MMP9: variants seen among roughly 807,000 people sequenced by gnomAD.
MMP9 encodes matrix metallopeptidase 9.
In MMP9, 73 loss-of-function variants were observed where a neutral mutation model predicts 76.4. That is an observed-to-expected ratio of 0.96 (90% CI 0.79 to 1.16). MMP9 has a LOEUF of 1.16. Ranked by LOEUF, MMP9 falls within the 50% of genes most tolerant of loss-of-function variation. MMP9 has a pLI of 0.00. For missense variants in MMP9, 943 were observed against 973.0 expected (o/e 0.97, Z 0.41); for synonymous variants, 412 against 408.4 (o/e 1.01, Z -0.11).
chr20:46,013,402 C>A lies in MMP9; in HGVS notation c.1478C>A (p.Pro493His). Residue 493 changes from proline to histidine, a missense_variant, in exon 9 of 13, where the codon CCC becomes CAC. By Grantham distance (77) the Pro-to-His change is moderately conservative. Transcript: ENST00000372330. The surrounding 1 kb of genome is among the most constrained non-coding windows in gnomAD (Gnocchi z 4.5). ...CCCACAGGTCCCCCCTCAGCTGGCC[C>A]CACAGGTCCCCCCACTGCTGGCCCT... is the stretch of plus-strand genomic sequence containing the variant. ...AGPTGPPSAG[P>H]TGPPTAGPST... The A allele has an allele frequency of 3.7e-6, 6 of 1,613,828 alleles. No individual in the cohort carries two copies. Among genetic ancestry groups the A allele is most frequent in the Non-Finnish European group, 5.1e-6 (6 of 1,179,844 alleles).
chr20:46,014,815 A>C (rs1279076158), intron 12 of MMP9: 4 of 329,208 alleles, frequency 1.2e-5, no homozygotes, highest in Non-Finnish European at 2.3e-5. Context: ...GACAATTCAC[A>C]GCTCTGTGAC....
At position 46,013,920 on chromosome 20, in the gene MMP9, A is replaced by C; in HGVS notation, c.1750+124A>C. On this transcript the variant is annotated intron_variant, in intron 10 of 12. Coordinates refer to ENST00000372330, the MANE Select transcript of MMP9 (RefSeq NM_004994.3). The surrounding 1 kb of genome is among the most constrained non-coding windows in gnomAD (Gnocchi z 4.5). ...GAAAAATACGCCCCCTGGCGGACGC[A>C]GTTTAGCAAACGTAGGGGCGGCTGA... 1 of 1,471,268 alleles carries C rather than the reference A, an allele frequency of 6.8e-7. No individual in the cohort carries two copies. Among genetic ancestry groups the C allele is most frequent in the Non-Finnish European group, 9.2e-7 (1 of 1,083,184 alleles). The allele number at this position is 1,471,268 out of a possible 1,614,324, so 91.1% of individuals were successfully genotyped here. A position where few individuals can be genotyped will look rare whatever the true frequency, so the allele number is the denominator to read the frequency against.
rs202025388 is a variant in MMP9 at position 46,010,470 on chromosome 20, T to C, written c.372-13T>C. On this transcript the variant is annotated splice_polypyrimidine_tract_variant and intron_variant, in intron 2 of 12. Coordinates refer to ENST00000372330, the MANE Select transcript of MMP9 (RefSeq NM_004994.3). ...TCACTTCTGACCTCCTTCCTCTGGC[T>C]CTTACGCTACAGGATCCAAAACTAC... 1.2e-6 allele frequency: 2 copies of C among 1,613,992 alleles called. No individual in the cohort carries two copies. Among genetic ancestry groups the C allele is most frequent in the Non-Finnish European group, 1.7e-6 (2 of 1,180,032 alleles).
intron 2 of MMP9, 28 bp downstream of exon 2, chr20:46,010,126 G>A (rs1210918026): frequency 3.3e-6 from 5 of 1,501,904 alleles, no homozygotes; most frequent in African/African-American, 1.4e-5. Flanking sequence ...GGGCAGCGGG[G>A]TGGGGCGGGG....
rs1458938807 is a variant in MMP9, at chr20:46,008,938, GCAGCC to G, written c.14_18del (p.Gln5ProfsTer79). ...CCTCTGCCCTCACCATGAGCCTCTG[GCAGCC>G]CCTGGTCCTGGTGCTCCTGGTGCTG... On this transcript the variant is annotated frameshift_variant, in exon 1 of 13. Transcript: ENST00000372330. LOFTEE classifies it high-confidence loss of function. 2 of 1,613,670 alleles carry G rather than the reference GCAGCC, an allele frequency of 1.2e-6. No homozygotes were observed. The highest frequency in any genetic ancestry group is 2.7e-5 in the African/African-American group (2 of 75,010).
chr20:46,012,110 C>T lies in MMP9; in HGVS notation c.998-27C>T, dbSNP rs202060681. ...CTCCTTATTGGACTCATCCATCTGG[C>T]TCATCCAAGGCCTTGGGTCTCTCCA... On this transcript the variant is annotated intron_variant, in intron 6 of 12. Transcript: ENST00000372330. The T allele has an allele frequency of 4.3e-6, 7 of 1,611,436 alleles. No homozygotes were observed. The African/African-American group carries it at 5.3e-5, about 12-fold the overall frequency.
intron 1 of MMP9, 104 bp from the exon 2 acceptor site, chr20:46,009,762 A>G (rs1169002251): frequency 3.9e-6 from 4 of 1,019,340 alleles, no homozygotes; most frequent in Non-Finnish European, 6.0e-6. Flanking sequence ...AAAAAGAAAA[A>G]GAAAAAAGAC....
intron 1 of MMP9, 116 bp from the exon 2 acceptor site, chr20:46,009,750 C>CGAAAAA (rs1272565099): frequency 2.1e-6 from 2 of 943,986 alleles, no homozygotes; most frequent in Admixed American, 2.0e-5. Flanking sequence ...ACCGTCTCTC[C>CGAAAAA]GAAAAAGAAA....
chr20:46,012,691 G>A, intron 8 of MMP9, 109 bp downstream of exon 8: 1 of 1,489,270 alleles, frequency 6.7e-7, no homozygotes, highest in Admixed American at 1.9e-5. Flanking sequence ...TGCAGGAGAG[G>A]TGGGACCTCA....
At chr20:46,014,019 G>A in intron 10 of MMP9, 105 bp from the exon 11 acceptor site, 1 of 1,501,524 alleles carries the variant, frequency 6.7e-7, no homozygotes. Flanking sequence ...CAGGGACTGC[G>A]GGCACGCGGG....
At position 46,013,192 on chromosome 20, in the gene MMP9, G is replaced by A; in HGVS notation, c.1331-63G>A. The A allele has an allele frequency of 6.2e-7, 1 of 1,601,600 alleles. No homozygotes were observed. Among genetic ancestry groups the A allele is most frequent in the Non-Finnish European group, 8.6e-7 (1 of 1,169,106 alleles). ...CTTCACTGAGAAGCTTAGGGGAGCA[G>A]ATGTTCTAGGGGTACAGAGGTATGC... On this transcript the variant is annotated intron_variant, in intron 8 of 12. Coordinates refer to ENST00000372330, the MANE Select transcript of MMP9 (RefSeq NM_004994.3). The surrounding 1 kb of genome is among the most constrained non-coding windows in gnomAD (Gnocchi z 4.5).
chr20:46,012,073 G>A (rs562614709), intron 6 of MMP9, 64 bp from the exon 7 acceptor site: 1 of 1,590,402 alleles, frequency 6.3e-7, no homozygotes, highest in Non-Finnish European at 8.6e-7. Flanking sequence ...TCCCTGTCGG[G>A]TCGGCCCCTG....
rs112257851 is a variant in MMP9 at position 46,010,870 on chromosome 20, A to G, written c.521-52A>G. On this transcript the variant is annotated intron_variant, in intron 3 of 12. Coordinates refer to ENST00000372330, the MANE Select transcript of MMP9 (RefSeq NM_004994.3). ...GAGCCCTTGCCTTGGGCAGCGCACA[A>G]TCTGCGCAGCAGTACTCGGCTAACC... The G allele has an allele frequency of 3.0e-4, 491 of 1,613,938 alleles. 3 individuals are homozygous for G. The African/African-American group carries it at 6.0e-3, about 20-fold the overall frequency.
intron 12 of MMP9, among the ~76,000 whole-genome samples, chr20:46,015,162 C>T (rs565209293): frequency 6.6e-6 from 1 of 152,300 alleles, no homozygotes; most frequent in South Asian, 2.1e-4. Flanking sequence ...TCTGACACTC[C>T]ACCCCCGTGT....
chr20:46,016,221 C>T, intron 12 of MMP9, 29 bp from the exon 13 acceptor site: 2 of 1,573,152 alleles, frequency 1.3e-6, no homozygotes, highest in East Asian at 2.2e-5. Flanking sequence ...ATTAGAATCA[C>T]TCCTCTTATG....
rs2084295019 is a variant in MMP9, at chr20:46,013,146, G to A, written c.1331-109G>A. The A allele has an allele frequency of 5.5e-6, 7 of 1,284,186 alleles. No individual in the cohort carries two copies. Among genetic ancestry groups the A allele is most frequent in the Non-Finnish European group, 6.8e-6 (6 of 883,306 alleles). The allele number at this position is 1,284,186 out of a possible 1,614,324, so 79.5% of individuals were successfully genotyped here. A position where few individuals can be genotyped will look rare whatever the true frequency, so the allele number is the denominator to read the frequency against. On this transcript the variant is annotated intron_variant, in intron 8 of 12. Transcript: ENST00000372330. This position sits in a 1 kb window ranked among gnomAD's most constrained non-coding sequence, Gnocchi z 4.5. The stretch of plus-strand genomic sequence containing the variant: ...TTGGGAAGGGAGGCTGAGTGAGGAG[G>A]GGCCTGTGTGCCAGAGGAGGCTTCA...
chr20:46,011,955 C>G (rs576936789), intron 6 of MMP9, among the ~76,000 whole-genome samples, 182 bp from the exon 7 acceptor site: 26 of 152,362 alleles, frequency 1.7e-4, no homozygotes, highest in Middle Eastern at 3.4e-3. Flanking sequence ...CCTTTTCTGC[C>G]CAGCTGGCCG....
rs527613229 is a variant in MMP9 at position 46,012,305 on chromosome 20, C to T, written c.1166C>T (p.Pro389Leu). 3.1e-6 allele frequency: 5 copies of T among 1,613,332 alleles called. No individual in the cohort carries two copies. In the East Asian group the frequency reaches 8.9e-5, roughly 29 times the overall value. ...AGCGACAAGAAGTGGGGCTTCTGCC[C>T]GGACCAAGGTAGGCGTGGTCCCGCG... ...FDSDKKWGFCPDQGYSLFLVA... is the reference protein window; with the variant it reads ...FDSDKKWGFCLDQGYSLFLVA... Residue 389 changes from proline (P) to leucine (L), a missense_variant, in exon 7 of 13, where the codon CCG becomes CTG. Pro to Leu is a moderately conservative substitution (Grantham distance 98). Coordinates refer to ENST00000372330, the MANE Select transcript of MMP9 (RefSeq NM_004994.3).
chr20:46,011,278 A>G lies in MMP9; in HGVS notation c.785A>G (p.Tyr262Cys), dbSNP rs148726595. 18 of 1,608,664 alleles carry G rather than the reference A, an allele frequency of 1.1e-5. No homozygotes were observed. Among genetic ancestry groups the G allele is most frequent in the Admixed American group, 1.7e-5 (1 of 59,916 alleles). ...CCCTGGTGCAGTACCACGGCCAACT[A>G]CGACACCGACGACCGGTTTGGCTTC... ...GLPWCSTTAN[Y>C]DTDDRFGFCP... The change falls in exon 5 of 13, where the codon TAC (tyrosine) becomes TGC (cysteine). Residue 262 changes from tyrosine to cysteine, a missense_variant. Tyr to Cys is a radical substitution (Grantham distance 194). Transcript: ENST00000372330.
Sources: gnomAD v4.1 joint callset for allele counts (sites outside exome capture counted in the v4.1 genomes callset) on GRCh38, gnomAD v4.1.1 for gene constraint, Gnocchi (gnomAD v3.1) non-coding constraint, MANE v1.5 for transcripts, NCBI Gene and HGNC (gene_info 2026-07-23, HGNC 2026-07-21) for gene names.